The following FHL1 variants were observed in gnomAD, a reference collection of about 807,000 sequenced individuals.
FHL1 encodes the protein four and a half LIM domains 1.
Under a neutral mutation model 20.3 loss-of-function variants are expected in FHL1, and 1 was observed. The observed-to-expected ratio is 0.05, with a 90% CI of 0.02 to 0.23. The LOEUF (loss-of-function observed/expected upper bound fraction) is 0.23. Ranked by LOEUF, FHL1 falls within the 10% of genes least tolerant of loss-of-function variation. FHL1 has a pLI of 1.00. For synonymous variants in FHL1, 82 were observed against 88.9 expected, an observed-to-expected ratio of 0.92 and a Z score of 0.44; for missense variants, 177 against 234.0, an observed-to-expected ratio of 0.76 and a Z score of 1.59.
chrX:136,200,064 C>T (rs539137149), intron 1 of FHL1, among the ~76,000 whole-genome samples: 6 of 112,074 alleles, frequency 5.4e-5, no homozygotes, highest in South Asian at 7.4e-4. Context: ...ATTTAGGCAC[C>T]TCTCAGCATG....
intron 1 of FHL1, among the ~76,000 whole-genome samples, chrX:136,161,858 C>T (rs888613959): frequency 1.8e-5 from 2 of 111,932 alleles, no homozygotes; most frequent in Non-Finnish European, 3.8e-5. Context: ...CGTGGTGGCT[C>T]ATGCCTGTAA....
chrX:136,199,995 C>A (rs1377977077), intron 1 of FHL1, among the ~76,000 whole-genome samples: 2 of 112,333 alleles, frequency 1.8e-5, no homozygotes, highest in Non-Finnish European at 3.8e-5. Flanking sequence ...TGTTATATTA[C>A]TTGTATGTGT....
intron 1 of FHL1, chrX:136,148,744 T>A (rs1289399363): frequency 8.9e-6 from 1 of 112,004 alleles, no homozygotes; most frequent in Non-Finnish European, 1.9e-5. Flanking sequence ...TCAGGTTTGT[T>A]TTGATTGCCT....
chrX:136,204,445 A>G (rs1295998981), intron 1 of FHL1, among the ~76,000 whole-genome samples: 2 of 112,624 alleles, frequency 1.8e-5, no homozygotes, highest in African/African-American at 6.4e-5. Flanking sequence ...TAAACAGTAC[A>G]TAGTTCAAGG....
Position 136,209,268 on chromosome X carries a change from C to T in FHL1, c.737-603C>T, listed in dbSNP as rs780429969. On this transcript the variant is annotated intron_variant, in intron 5 of 5. Transcript: ENST00000370683. ...GGAAAAGGACTGTGTCAAGAGTGAG[C>T]CACCCAGTCTCTAAAGCTAGGAAGC... is the stretch of plus-strand genomic sequence containing the variant. The T allele has an allele frequency of 5.8e-6, 7 of 1,207,733 alleles. No homozygotes were observed. The highest frequency in any genetic ancestry group is 7.8e-6 in the Non-Finnish European group (7 of 894,403).
intron 2 of FHL1, among the ~76,000 whole-genome samples, chrX:136,179,331 C>T (rs1243214544): frequency 3.6e-5 from 4 of 111,975 alleles, no homozygotes; most frequent in Non-Finnish European, 5.6e-5. Context: ...AACAGTACAA[C>T]ATGCTCCAGT....
At chrX:136,202,196 C>T (rs1313263395) in intron 1 of FHL1, among the ~76,000 whole-genome samples, 1 of 110,532 alleles carries the variant, frequency 9.0e-6, no homozygotes, top group Non-Finnish European at 1.9e-5. Flanking sequence ...GAAACCCCGT[C>T]TCTACTAAAA....
At chrX:136,191,315 G>C in intron 2 of FHL1, among the ~76,000 whole-genome samples, 1 of 112,404 alleles carries the variant, frequency 8.9e-6, no homozygotes, top group Non-Finnish European at 1.9e-5. Context: ...TTGGCCTTCG[G>C]GGAAACTTGG....
intron 2 of FHL1, among the ~76,000 whole-genome samples, chrX:136,186,120 T>G (rs1234688567): frequency 2.7e-5 from 3 of 112,286 alleles, no homozygotes; most frequent in Non-Finnish European, 5.6e-5. Flanking sequence ...TAATCTCCAT[T>G]GCCACTAATC....
intron 1 of FHL1, among the ~76,000 whole-genome samples, chrX:136,151,475 G>C (rs1407998495): frequency 8.9e-6 from 1 of 112,446 alleles, no homozygotes; most frequent in Non-Finnish European, 1.9e-5. Context: ...ACTTTGGGAG[G>C]CTGAGGCAAG....
chrX:136,207,939 A>C lies in FHL1; in HGVS notation c.527A>C (p.Lys176Thr), dbSNP rs1333261546. 1 of 1,212,491 alleles carries C rather than the reference A, an allele frequency of 8.2e-7. No individual in the cohort carries two copies. Residue 176 changes from lysine to threonine, a missense_variant, in exon 4 of 6, where the codon AAG (lysine) becomes ACG (threonine). By Grantham distance (78) the Lys-to-Thr change is moderately conservative (BLOSUM62 -1). Coordinates refer to ENST00000370683, the MANE Select transcript of FHL1 (RefSeq NM_001159699.2). ...CVTCHETKFA[K>T]HCVKCNKAIT... Reference sequence around the variant, plus strand: ...ACTTGCCATGAGACCAAGTTTGCCAAGCATTGCGTGAAGTGCAACAAGGTA... The same window carrying C: ...ACTTGCCATGAGACCAAGTTTGCCACGCATTGCGTGAAGTGCAACAAGGTA...
At chrX:136,206,913 T>C (rs920853244) in intron 2 of FHL1, 103 bp from the exon 3 acceptor site, 2 of 906,100 alleles carry the variant, frequency 2.2e-6, no homozygotes, top group Non-Finnish European at 3.2e-6. Flanking sequence ...AGGGACTGTG[T>C]CATCTCAGTG....
At chrX:136,205,738 A>G (rs1387589160) in intron 1 of FHL1, among the ~76,000 whole-genome samples, 1 of 112,068 alleles carries the variant, frequency 8.9e-6, no homozygotes, top group East Asian at 2.8e-4. Flanking sequence ...ATGAGCTGTC[A>G]GTTTCTATTC....
chrX:136,153,895 C>T (rs1010860436), intron 1 of FHL1, among the ~76,000 whole-genome samples: 3 of 111,444 alleles, frequency 2.7e-5, no homozygotes, highest in African/African-American at 9.8e-5. Flanking sequence ...GGTCATAACC[C>T]ATGAAAAGGG....
At chrX:136,157,465 C>G (rs1051795737) in intron 1 of FHL1, among the ~76,000 whole-genome samples, 3 of 111,944 alleles carry the variant, frequency 2.7e-5, no homozygotes, top group African/African-American at 9.7e-5. Context: ...ATATCAACTT[C>G]ACCGAGCATG....
At chrX:136,175,059 A>G (rs1297936415) in intron 2 of FHL1, among the ~76,000 whole-genome samples, 8 of 112,432 alleles carry the variant, frequency 7.1e-5, no homozygotes, top group South Asian at 3.7e-4. Flanking sequence ...GACAAGATAC[A>G]TAATTTCTAT....
chrX:136,208,413 T>C, intron 4 of FHL1, 42 bp from the exon 5 acceptor site: 1 of 1,189,387 alleles, frequency 8.4e-7, no homozygotes, highest in Non-Finnish European at 1.1e-6. Flanking sequence ...TTCAACAAAA[T>C]GGTTGTTGAA....
intron 1 of FHL1, among the ~76,000 whole-genome samples, chrX:136,199,418 A>G (rs1178474909): frequency 8.9e-6 from 1 of 112,172 alleles, no homozygotes; most frequent in Non-Finnish European, 1.9e-5. Flanking sequence ...GAAGGGAAAA[A>G]ACACTTTCTG....
intron 1 of FHL1, among the ~76,000 whole-genome samples, chrX:136,160,748 A>G (rs1000095235): frequency 8.9e-6 from 1 of 112,138 alleles, no homozygotes; most frequent in Non-Finnish European, 1.9e-5. Flanking sequence ...CTATTGTTAG[A>G]CAGAATTTTA....
Sources: gnomAD v4.1 joint callset for allele counts (sites outside exome capture counted in the v4.1 genomes callset) on GRCh38, gnomAD v4.1.1 for gene constraint, MANE v1.5 for transcripts, NCBI Gene and HGNC (gene_info 2026-07-23, HGNC 2026-07-21) for gene names.